The following LACTBL1 variants were observed in gnomAD, a reference collection of about 807,000 sequenced individuals.
LACTBL1 encodes the protein lactamase beta like 1.
Under a neutral mutation model 39.6 loss-of-function variants are expected in LACTBL1, and 29 were observed. The observed-to-expected ratio is 0.73, with a 90% CI of 0.55 to 1.00. The LOEUF is 1.00. Among genes scored for constraint, LACTBL1 ranks in the 50% least tolerant of loss-of-function variants. LACTBL1 has a pLI of 0.00. For synonymous variants in LACTBL1, 361 were observed against 360.7 expected (o/e 1.00, Z -0.01); for missense variants, 711 against 748.5 (o/e 0.95, Z 0.59).
At position 22,963,097 on chromosome 1, in the gene LACTBL1, C is replaced by T; in HGVS notation, c.159+10G>A. On this transcript the variant is annotated intron_variant, in intron 2 of 5. Transcript: ENST00000426928. ...CCATATGCCCAGTTTCCTCCTGGGT[C>T]ATCACTGACCTTTTCCAGGGCCTCC... 7.8e-7 allele frequency: 1 copy of T among 1,275,978 alleles called. No homozygotes were observed. The highest frequency in any genetic ancestry group is 1.0e-6 in the Non-Finnish European group (1 of 1,002,106). The allele number at this position is 1,275,978 out of a possible 1,614,324, so 79.0% of individuals were successfully genotyped here. A position where few individuals can be genotyped will look rare whatever the true frequency, so the allele number is the denominator to read the frequency against.
intron 1 of LACTBL1, among the ~76,000 whole-genome samples, chr1:22,963,473 A>G (rs1428060586): frequency 2.0e-5 from 3 of 152,234 alleles, no homozygotes; most frequent in East Asian, 3.9e-4. Flanking sequence ...CTCTTGCTTA[A>G]CCAGCTTCCC....
At chr1:22,960,652 G>A (rs1640812746) in intron 2 of LACTBL1, among the ~76,000 whole-genome samples, 1 of 143,826 alleles carries the variant, frequency 7.0e-6, no homozygotes, top group Non-Finnish European at 1.5e-5. Context: ...ACCAGCTACT[G>A]CTTTAGTCAA....
exon 6 of LACTBL1, chr1:22,953,402 G>T (rs962086646): frequency 8.1e-7 from 1 of 1,228,014 alleles, no homozygotes; most frequent in Middle Eastern, 3.1e-4. Flanking sequence ...CCGGCGAAGG[G>T]GTGCGCGGTG....
In LACTBL1 at chr1:22,953,375, TGGCGAAGGTGAAGTAGCC is replaced by T. The variant is rs946466209; in HGVS notation, c.1291_1308del (p.Gly431_Ala436del). 2.4e-6 allele frequency: 3 copies of T among 1,228,438 alleles called. No individual in the cohort carries two copies. In the African/African-American group the frequency reaches 4.7e-5, roughly 19 times the overall value. 76.1% of individuals were successfully genotyped at this position (1,228,438 alleles called of 1,614,324 possible). Reference sequence around the variant, plus strand: ...GCGCGCACCTCGTAGAAGGTCAGGTTGGCGAAGGTGAAGTAGCCGGCGAAGGGGTGCGCGGTGGGCGGC... The same window carrying T: ...GCGCGCACCTCGTAGAAGGTCAGGTTGGCGAAGGGGTGCGCGGTGGGCGGC... On this transcript the variant is annotated inframe_deletion, in exon 6 of 6. Transcript: ENST00000426928.
At chr1:22,968,362 C>T (rs190552540), upstream of LACTBL1, among the ~76,000 whole-genome samples, 1 of 152,164 alleles carries the variant, frequency 6.6e-6, no homozygotes, top group Admixed American at 6.5e-5. Flanking sequence ...AACTTAGCCA[C>T]ATACTATTCT....
upstream of LACTBL1, among the ~76,000 whole-genome samples, chr1:22,967,644 T>TAG (rs1274043104): frequency 1.9e-4 from 29 of 151,532 alleles, no homozygotes; most frequent in East Asian, 5.8e-4. Flanking sequence ...CATATATATA[T>TAG]AGAGAGAGAG....
chr1:22,963,113 C>A, exon 2 of LACTBL1: 1 of 1,286,276 alleles, frequency 7.8e-7, no homozygotes, highest in South Asian at 2.9e-5. Context: ...TGACCTTTTC[C>A]AGGGCCTCCT....
chr1:22,966,510 A>G (rs561880792), upstream of LACTBL1, among the ~76,000 whole-genome samples: 38 of 152,338 alleles, frequency 2.5e-4, no homozygotes, highest in African/African-American at 8.7e-4. Context: ...AGACATCACT[A>G]CAGATCTTAC....
rs557724162 is a variant in LACTBL1 at position 22,963,130 on chromosome 1, C to T, written c.136G>A (p.Val46Met). 2.2e-5 allele frequency: 28 copies of T among 1,287,128 alleles called. No individual in the cohort carries two copies. In the East Asian group the frequency reaches 4.1e-4, roughly 19 times the overall value. 79.7% of individuals were successfully genotyped at this position (1,287,128 alleles called of 1,614,324 possible). Reference sequence around the variant, plus strand: ...ACCTTTTCCAGGGCCTCCTTCAACACGGGGAGTGGGTGAGCCAGGGGCACG... The same window carrying T: ...ACCTTTTCCAGGGCCTCCTTCAACATGGGGAGTGGGTGAGCCAGGGGCACG... The change falls in exon 2 of 6, where the codon GTG becomes ATG. Residue 46 changes from valine to methionine, a missense_variant. Transcript: ENST00000426928.
At position 22,953,286 on chromosome 1, in the gene LACTBL1, T is replaced by G. The variant is rs1640723515; in HGVS notation, c.1398A>C (p.Pro466=). 2.4e-6 allele frequency: 3 copies of G among 1,226,750 alleles called. No homozygotes were observed. The South Asian group carries it at 1.2e-4, about 51-fold the overall frequency. 76.0% of individuals were successfully genotyped at this position (1,226,750 alleles called of 1,614,324 possible). ...GGCGCAGCGCCAGGGTGCGGAACGC[T>G]GGAGGCACCAGCGCCTCCACGCGCG... The change falls in exon 6 of 6, where the codon CCA becomes CCC. Residue 466 remains proline (P), a synonymous_variant. Coordinates refer to ENST00000426928, the Ensembl canonical transcript of LACTBL1.
At chr1:22,963,039 G>A (rs1297893679) in intron 2 of LACTBL1, 68 bp downstream of exon 4, 3 of 752,522 alleles carry the variant, frequency 4.0e-6, no homozygotes, top group Non-Finnish European at 5.6e-6. Context: ...CAGCACAGAG[G>A]GACTGCCCTC....
the LACTBL1 span, among the ~76,000 whole-genome samples, chr1:22,972,652 T>G: frequency 3.0e-3 from 454 of 151,958 alleles, 2 homozygotes; most frequent in African/African-American, 0.011. Flanking sequence ...CCCTCAGTCC[T>G]AGGCAAATGG....
chr1:22,959,644 G>A (rs1357472232), intron 3 of LACTBL1, among the ~76,000 whole-genome samples: 1 of 152,240 alleles, frequency 6.6e-6, no homozygotes, highest in Non-Finnish European at 1.5e-5. Flanking sequence ...CACATGGTCA[G>A]GGTTGGGGGG....
chr1:22,959,051 A>G (rs1286275291), intron 3 of LACTBL1, 131 bp from the exon 6 acceptor site: 16 of 625,338 alleles, frequency 2.6e-5, no homozygotes, highest in Non-Finnish European at 3.6e-5. Context: ...AACATCTCCA[A>G]CAGAAATTAA....
chr1:22,954,054 G>A (rs759037681), intron 5 of LACTBL1, 30 bp from the exon 8 acceptor site: 39 of 1,495,232 alleles, frequency 2.6e-5, no homozygotes, highest in Non-Finnish European at 3.4e-5. Flanking sequence ...AAGTGGGACG[G>A]GGCCCTTCCT....
upstream of LACTBL1, among the ~76,000 whole-genome samples, chr1:22,966,416 C>T (rs1640876417): frequency 6.6e-6 from 1 of 152,204 alleles, no homozygotes; most frequent in Non-Finnish European, 1.5e-5. Flanking sequence ...GTCCTACAAA[C>T]GTGGTATTTC....
chr1:22,954,695 G>A (rs985410198), intron 5 of LACTBL1, among the ~76,000 whole-genome samples: 4 of 152,218 alleles, frequency 2.6e-5, no homozygotes, highest in African/African-American at 9.6e-5. Context: ...ACTCCAGCCT[G>A]AAGATGTCCA....
intron 2 of LACTBL1, among the ~76,000 whole-genome samples, chr1:22,960,612 C>T (rs970013688): frequency 5.3e-5 from 6 of 112,518 alleles, no homozygotes; most frequent in Non-Finnish European, 1.0e-4. Context: ...AGCGAAACTC[C>T]GTCTCAAAAA....
chr1:22,971,909 T>G, the LACTBL1 span, among the ~76,000 whole-genome samples: 1 of 151,558 alleles, frequency 6.6e-6, no homozygotes, highest in African/African-American at 2.4e-5. Flanking sequence ...TAGCTAGAGG[T>G]GTAATAAAGG....
Sources: allele counts gnomAD v4.1 joint callset (sites outside exome capture counted in the v4.1 genomes callset), GRCh38; gene constraint gnomAD v4.1.1; transcripts MANE v1.5; gene names NCBI Gene and HGNC (gene_info 2026-07-23, HGNC 2026-07-21).